Variants in ATRNL1 observed in about 807,000 individuals in gnomAD.
ATRNL1 encodes the protein attractin like 1, also known as attractin-like protein 1.
In ATRNL1, 95 loss-of-function variants were observed where a neutral mutation model predicts 182.7. The observed-to-expected ratio is 0.52, with a 90% CI of 0.44 to 0.62. ATRNL1 has a LOEUF of 0.62. Among genes scored for constraint, ATRNL1 ranks in the 20% least tolerant of loss-of-function variants. The pLI, the probability that ATRNL1 is intolerant of heterozygous loss-of-function variation, is 0.00. For synonymous variants in ATRNL1, 576 were observed against 568.3 expected (o/e 1.01, Z -0.19); for missense variants, 1,471 against 1,679.5 (o/e 0.88, Z 2.17).
intron 26 of ATRNL1, among the ~76,000 whole-genome samples, chr10:115,621,276 T>TATATATATATATAGAGAGAGAGAG (rs1268020830): frequency 6.3e-5 from 3 of 47,574 alleles, no homozygotes; most frequent in African/African-American, 7.4e-5. Context: ...TATATATATA[T>TATATATATATATAGAGAGAGAGAG]AGAGAGAGAG....
At chr10:115,567,942 G>A (rs75453633) in intron 26 of ATRNL1, among the ~76,000 whole-genome samples, 1,797 of 152,144 alleles carry the variant, frequency 0.012, 30 homozygotes, top group African/African-American at 0.04. Context: ...GAAATATTTG[G>A]TGGTAGCCTG....
chr10:115,748,488 T>G (rs919359249), intron 27 of ATRNL1, among the ~76,000 whole-genome samples: 8 of 151,860 alleles, frequency 5.3e-5, no homozygotes, highest in African/African-American at 1.9e-4. Flanking sequence ...TGGTTATTTT[T>G]AAAGGTCTGG....
At chr10:115,379,583 A>G (rs148977683) in intron 19 of ATRNL1, among the ~76,000 whole-genome samples, 2 of 152,360 alleles carry the variant, frequency 1.3e-5, no homozygotes, top group Admixed American at 1.3e-4. Context: ...TGACAGTATT[A>G]ATATGAAACT....
intron 21 of ATRNL1, among the ~76,000 whole-genome samples, chr10:115,430,625 A>G (rs1846115599): frequency 6.6e-6 from 1 of 152,100 alleles, no homozygotes; most frequent in Non-Finnish European, 1.5e-5. Context: ...GCAGTACTTG[A>G]TAGGTAGTTT....
chr10:115,813,472 T>C lies in ATRNL1; in HGVS notation c.3904-34405T>C, dbSNP rs372507525. On this transcript the variant is annotated intron_variant, in intron 27 of 28. Transcript: ENST00000355044. ...CTGAGATGATGAAAATACTGTGCTGTTGTTTTTCACTAATAGTTGCCTGAT... is the reference window on the plus strand; with the variant it reads ...CTGAGATGATGAAAATACTGTGCTGCTGTTTTTCACTAATAGTTGCCTGAT... 3.3e-4 allele frequency among the ~76,000 whole-genome samples: 51 copies of C among 152,338 alleles called. No individual in the cohort carries two copies. In the South Asian group the frequency reaches 3.5e-3, roughly 11 times the overall value.
At chr10:115,288,671 G>A (rs1852747664) in intron 15 of ATRNL1, among the ~76,000 whole-genome samples, 1 of 151,970 alleles carries the variant, frequency 6.6e-6, no homozygotes, top group Non-Finnish European at 1.5e-5. Flanking sequence ...ACAGGCGTGT[G>A]CCACCACGCC....
chr10:115,172,321 A>G lies in ATRNL1; in HGVS notation c.1348+1029A>G, dbSNP rs576005888. On this transcript the variant is annotated intron_variant, in intron 8 of 28. Coordinates refer to ENST00000355044, the MANE Select transcript of ATRNL1 (RefSeq NM_207303.4). ...GCTTTGACTCTTACATCATCAGAAT[A>G]TATCACCTATTACTTCACCTTCCTG... 7.9e-5 allele frequency among the ~76,000 whole-genome samples: 12 copies of G among 152,072 alleles called. No homozygotes were observed. In the South Asian group the frequency reaches 2.5e-3, roughly 32 times the overall value.
intron 20 of ATRNL1, among the ~76,000 whole-genome samples, chr10:115,405,455 A>G (rs1554957974): frequency 1.3e-5 from 2 of 152,180 alleles, no homozygotes; most frequent in African/African-American, 4.8e-5. Context: ...GTGACTGAAC[A>G]TATTTCAGTG....
chr10:115,539,329 A>C (rs1227909087), intron 25 of ATRNL1, among the ~76,000 whole-genome samples: 1 of 152,264 alleles, frequency 6.6e-6, no homozygotes, highest in Non-Finnish European at 1.5e-5. Context: ...ATAGGGTTCC[A>C]GTTCCAGGTA....
rs1177039171 is a variant in ATRNL1, at chr10:115,667,114, C to T, written c.3796-60134C>T. 2.6e-5 allele frequency among the ~76,000 whole-genome samples: 4 copies of T among 152,002 alleles called. No individual in the cohort carries two copies. The East Asian group carries it at 7.7e-4, about 29-fold the overall frequency. Reference sequence around the variant, plus strand: ...AGGTCCACTCTTCACTGCTGTCTACCCTGCTCTCTGCCCCAGAAGCTGACT... The same window carrying T: ...AGGTCCACTCTTCACTGCTGTCTACTCTGCTCTCTGCCCCAGAAGCTGACT... On this transcript the variant is annotated intron_variant, in intron 26 of 28. Transcript: ENST00000355044.
chr10:115,913,951 A>G (rs1952764419), intron 28 of ATRNL1, among the ~76,000 whole-genome samples: 1 of 152,128 alleles, frequency 6.6e-6, no homozygotes, highest in South Asian at 2.1e-4. Context: ...CTGTGTCCCC[A>G]CCCAAATTTC....
chr10:115,288,723 T>G (rs1249442661), intron 15 of ATRNL1, among the ~76,000 whole-genome samples: 1 of 151,950 alleles, frequency 6.6e-6, no homozygotes. Context: ...GGTTTCACCA[T>G]GTTGGCCAGG....
intron 1 of ATRNL1, among the ~76,000 whole-genome samples, chr10:115,097,233 C>T (rs2085036318): frequency 6.6e-6 from 1 of 152,126 alleles, no homozygotes; most frequent in Non-Finnish European, 1.5e-5. Context: ...CCTGTAATCC[C>T]AGCACTTTGG....
chr10:115,857,487 TTTTTG>T (rs1204331242), intron 28 of ATRNL1, among the ~76,000 whole-genome samples: 2 of 152,234 alleles, frequency 1.3e-5, no homozygotes, highest in African/African-American at 4.8e-5. Flanking sequence ...TTTATAAATG[TTTTTG>T]TTTTGTTTTG....
chr10:115,387,119 G>A (rs1858406154), intron 19 of ATRNL1, among the ~76,000 whole-genome samples: 2 of 151,616 alleles, frequency 1.3e-5, no homozygotes, highest in East Asian at 3.9e-4. Context: ...GGGACATCAT[G>A]TCCTTTGTAG....
At chr10:115,863,878 C>G (rs1951373425) in intron 28 of ATRNL1, among the ~76,000 whole-genome samples, 1 of 152,056 alleles carries the variant, frequency 6.6e-6, no homozygotes, top group African/African-American at 2.4e-5. Flanking sequence ...AAAATAAGTA[C>G]TCAAAAAATT....
intron 8 of ATRNL1, among the ~76,000 whole-genome samples, chr10:115,201,128 T>C (rs1592249438): frequency 6.6e-6 from 1 of 151,340 alleles, no homozygotes; most frequent in East Asian, 1.9e-4. Flanking sequence ...TTCTGGATAT[T>C]AGCCCTTTGT....
At chr10:115,197,608 G>A (rs1286930042) in intron 8 of ATRNL1, among the ~76,000 whole-genome samples, 3 of 152,082 alleles carry the variant, frequency 2.0e-5, no homozygotes, top group Non-Finnish European at 4.4e-5. Flanking sequence ...ATTACACTGT[G>A]TATATACAGT....
intron 27 of ATRNL1, among the ~76,000 whole-genome samples, chr10:115,826,271 G>A (rs1374228472): frequency 6.6e-6 from 1 of 152,072 alleles, no homozygotes; most frequent in African/African-American, 2.4e-5. Context: ...CTCTGTCACA[G>A]CTTTCTTGCT....
Sources: gnomAD v4.1 joint callset for allele counts (sites outside exome capture counted in the v4.1 genomes callset) on GRCh38, gnomAD v4.1.1 for gene constraint, MANE v1.5 for transcripts, NCBI Gene and HGNC (gene_info 2026-07-23, HGNC 2026-07-21) for gene names.